MAP4K5: variants seen among roughly 807,000 people sequenced by gnomAD.
MAP4K5 encodes the protein MAPK/ERK kinase kinase kinase 5.
A neutral mutation model predicts 135.6 loss-of-function variants in MAP4K5; 82 were observed. That is an observed-to-expected ratio of 0.60 (90% CI 0.51 to 0.73). MAP4K5 has a LOEUF of 0.73. Among genes scored for constraint, MAP4K5 ranks in the 30% least tolerant of loss-of-function variants. The pLI, the probability that MAP4K5 is intolerant of heterozygous loss-of-function variation, is 0.00. For missense variants in MAP4K5, 907 were observed against 1,010.9 expected (o/e 0.90, Z 1.39); for synonymous variants, 347 against 335.0 (o/e 1.04, Z -0.39).
chr14:50,547,608 G>A (rs926112945), intron 1 of MAP4K5, among the ~76,000 whole-genome samples: 1 of 152,148 alleles, frequency 6.6e-6, no homozygotes, highest in African/African-American at 2.4e-5. Flanking sequence ...GTACAGATAG[G>A]CCAGAACCCC....
Position 50,468,756 on chromosome 14 carries a change from T to C in MAP4K5, c.569A>G (p.Glu190Gly), listed in dbSNP as rs1475877728. The stretch of plus-strand genomic sequence containing the variant: ...GAGTTGGTTGTAGCCACCATTCTTC[T>C]CTACTGCTGCAACTTCTGGGGCCAT... ...YWMAPEVAAV[E>G]KNGGYNQLCD... The change falls in exon 10 of 33, where the codon GAG becomes GGG. Residue 190 changes from glutamate to glycine, a missense_variant. Physicochemically the swap from Glu to Gly is moderately conservative, Grantham distance 98 (BLOSUM62 -2). Coordinates refer to ENST00000682126, the MANE Select transcript of MAP4K5 (RefSeq NM_006575.6). The C allele has an allele frequency of 8.1e-6, 13 of 1,611,514 alleles. No homozygotes were observed. Among genetic ancestry groups the C allele is most frequent in the Non-Finnish European group, 1.0e-5 (12 of 1,178,654 alleles).
intron 32 of MAP4K5, among the ~76,000 whole-genome samples, chr14:50,422,839 C>T (rs184116588): frequency 6.6e-5 from 10 of 152,054 alleles, no homozygotes; most frequent in Non-Finnish European, 8.8e-5. Flanking sequence ...CAAACGGGCC[C>T]GAAATAGCTC....
At chr14:50,470,610 C>T (rs953499795) in intron 9 of MAP4K5, among the ~76,000 whole-genome samples, 9 of 151,204 alleles carry the variant, frequency 6.0e-5, no homozygotes, top group African/African-American at 1.9e-4. Flanking sequence ...AAGCATGATC[C>T]CACTCAAAGA....
intron 32 of MAP4K5, 48 bp downstream of exon 32, chr14:50,423,073 G>A (rs1468076922): frequency 1.1e-6 from 1 of 870,530 alleles, no homozygotes; most frequent in Non-Finnish European, 1.8e-6. Context: ...TTAAGAGTAT[G>A]ATCTTTGAAC....
chr14:50,543,994 G>A (rs2038597027), intron 1 of MAP4K5, among the ~76,000 whole-genome samples: 1 of 152,156 alleles, frequency 6.6e-6, no homozygotes, highest in African/African-American at 2.4e-5. Context: ...TAGAGAAGGG[G>A]GTCATTGTAC....
chr14:50,494,626 T>C (rs1392370814), intron 3 of MAP4K5, among the ~76,000 whole-genome samples: 2 of 152,062 alleles, frequency 1.3e-5, no homozygotes, highest in Admixed American at 6.5e-5. Context: ...CAAAACAATT[T>C]TGAAAAAGAA....
At chr14:50,548,729 C>T (rs1000292067) in intron 1 of MAP4K5, among the ~76,000 whole-genome samples, 4 of 152,078 alleles carry the variant, frequency 2.6e-5, no homozygotes, top group Non-Finnish European at 4.4e-5. Context: ...CCAGGATGGT[C>T]TCGATCTCCT....
At chr14:50,516,514 T>C (rs2038036764) in intron 2 of MAP4K5, among the ~76,000 whole-genome samples, 1 of 151,984 alleles carries the variant, frequency 6.6e-6, no homozygotes, top group African/African-American at 2.4e-5. Flanking sequence ...GAAAAGAGGA[T>C]CAAGAACAGA....
At chr14:50,424,976 G>T (rs1595414621) in intron 31 of MAP4K5, among the ~76,000 whole-genome samples, 1 of 152,052 alleles carries the variant, frequency 6.6e-6, no homozygotes, top group East Asian at 1.9e-4. Flanking sequence ...TTTCCTCCTG[G>T]AAGCATTCTA....
chr14:50,434,500 A>G lies in MAP4K5; in HGVS notation c.2058T>C (p.Pro686=). The change falls in exon 28 of 33, where the codon CCT becomes CCC. Residue 686 remains proline, a synonymous_variant. Coordinates refer to ENST00000682126, the MANE Select transcript of MAP4K5 (RefSeq NM_006575.6). ...CTTTGCTAATAGCTACACAGACCAT[A>G]GGGTATTCCTGTTCAGGTATCACCA... ...EMLVIPEQEY[P]MVCVAISKGT... The G allele has an allele frequency of 6.2e-7, 1 of 1,607,684 alleles. No individual in the cohort carries two copies. The highest frequency in any genetic ancestry group is 8.5e-7 in the Non-Finnish European group (1 of 1,176,908).
intron 21 of MAP4K5, among the ~76,000 whole-genome samples, chr14:50,440,840 T>C (rs1457047551): frequency 1.3e-5 from 2 of 152,118 alleles, no homozygotes; most frequent in Admixed American, 1.3e-4. Flanking sequence ...CAGATCTTGG[T>C]TTCTAAATAT....
At chr14:50,484,465 T>C (rs1266603044) in intron 5 of MAP4K5, among the ~76,000 whole-genome samples, 1 of 152,204 alleles carries the variant, frequency 6.6e-6, no homozygotes, top group East Asian at 1.9e-4. Context: ...CTTAGTCAAC[T>C]GGTAGGTATT....
Position 50,504,797 on chromosome 14 carries a change from T to C in MAP4K5, c.166+3A>G, listed in dbSNP as rs1176107750. ...AAATTGTCTTGAGGGTTTTAACACA[T>C]ACCAGGCTCCAATTTAATGATTTTT... On this transcript the variant is annotated splice_donor_region_variant and intron_variant, in intron 3 of 32. Coordinates refer to ENST00000682126, the MANE Select transcript of MAP4K5 (RefSeq NM_006575.6). 3 of 1,552,204 alleles carry C rather than the reference T, an allele frequency of 1.9e-6. No individual in the cohort carries two copies. The highest frequency in any genetic ancestry group is 1.4e-5 in the African/African-American group (1 of 73,056).
At position 50,463,919 on chromosome 14, in the gene MAP4K5, A is replaced by T. The variant is rs1002028271; in HGVS notation, c.819+133T>A. The stretch of plus-strand genomic sequence containing the variant: ...AAAAAAAAAAAAAAAAAAAAAAAAA[A>T]AAAAAAAAAGTTTGCTGACCCCTGC... On this transcript the variant is annotated intron_variant, in intron 12 of 32. Coordinates refer to ENST00000682126, the MANE Select transcript of MAP4K5 (RefSeq NM_006575.6). 3 of 211,582 alleles carry T rather than the reference A, an allele frequency of 1.4e-5. No homozygotes were observed. The South Asian group carries it at 1.9e-4, about 13-fold the overall frequency. The allele number at this position is 211,582 out of a possible 1,614,324, so 13.1% of individuals were successfully genotyped here.
At chr14:50,443,837 A>T in intron 19 of MAP4K5, 67 bp from the exon 20 acceptor site, 22 of 1,506,922 alleles carry the variant, frequency 1.5e-5, no homozygotes, top group Non-Finnish European at 2.0e-5. Flanking sequence ...TGAGACATTT[A>T]GAACTTCTGT....
chr14:50,477,857 C>CTAAA (rs1282862869), intron 6 of MAP4K5, among the ~76,000 whole-genome samples: 1 of 152,128 alleles, frequency 6.6e-6, no homozygotes, highest in Non-Finnish European at 1.5e-5. Flanking sequence ...ATTACCTTTG[C>CTAAA]TAAACCTTTT....
intron 1 of MAP4K5, chr14:50,560,143 T>A: frequency 8.5e-7 from 1 of 1,177,658 alleles, no homozygotes; most frequent in Non-Finnish European, 1.2e-6. Context: ...AGCAACATCC[T>A]CAGAGTCTGA....
chr14:50,448,979 G>A (rs1226575024), intron 14 of MAP4K5, 147 bp from the exon 15 acceptor site: 1 of 613,138 alleles, frequency 1.6e-6, no homozygotes, highest in Non-Finnish European at 2.8e-6. Context: ...GACTACAAGA[G>A]TACCCCTTTG....
intron 6 of MAP4K5, among the ~76,000 whole-genome samples, chr14:50,481,982 G>A (rs149373687): frequency 6.6e-6 from 1 of 152,236 alleles, no homozygotes; most frequent in African/African-American, 2.4e-5. Context: ...TGAAGGGAAC[G>A]CTTAGACAAC....
Sources: allele counts gnomAD v4.1 joint callset (sites outside exome capture counted in the v4.1 genomes callset), GRCh38; gene constraint gnomAD v4.1.1; transcripts MANE v1.5; gene names NCBI Gene and HGNC (gene_info 2026-07-23, HGNC 2026-07-21).